The following PCDH11X variants were observed in gnomAD, a reference collection of about 807,000 sequenced individuals.
PCDH11X encodes protocadherin-11 X-linked.
PCDH11X carries 18 observed loss-of-function variants against 53.3 expected under a neutral mutation model. The ratio of observed to expected loss-of-function variants is 0.34; its 90% CI spans 0.23 to 0.50. PCDH11X has a LOEUF of 0.50. Ranked by LOEUF, PCDH11X falls within the 20% of genes least tolerant of loss-of-function variation. The pLI is 0.98. For synonymous variants in PCDH11X, 279 were observed against 393.3 expected (o/e 0.71, Z 3.44); for missense variants, 570 against 1,032.4 (o/e 0.55, Z 6.14).
intron 6 of PCDH11X, among the ~76,000 whole-genome samples, chrX:91,989,261 GAGAA>G (rs1166312270): frequency 9.0e-6 from 1 of 110,834 alleles, no homozygotes; most frequent in Non-Finnish European, 1.9e-5. Flanking sequence ...AAAAAGAAAA[GAGAA>G]AGAAGAAGAA....
intron 6 of PCDH11X, among the ~76,000 whole-genome samples, chrX:92,097,343 T>C (rs1318452416): frequency 1.9e-5 from 2 of 107,206 alleles, no homozygotes; most frequent in African/African-American, 3.4e-5. Context: ...GCCCAGGATG[T>C]CATGGCTGCC....
At chrX:92,091,004 G>A (rs1361103656) in intron 6 of PCDH11X, among the ~76,000 whole-genome samples, 1 of 112,027 alleles carries the variant, frequency 8.9e-6, no homozygotes, top group Non-Finnish European at 1.9e-5. Flanking sequence ...TATACCAGTT[G>A]GTTAACCTTG....
rs779501333 is a variant in PCDH11X at position 92,237,025 on chromosome X, A to G, written c.3115-26089A>G. On this transcript the variant is annotated intron_variant, in intron 7 of 10. Coordinates refer to ENST00000682573, the MANE Select transcript of PCDH11X (RefSeq NM_032968.5). ...TAGAAACTGTGATTTTCAATTCTTTAAATTGTTGAAGAAAAAAAGACACCT... is the reference window on the plus strand; with the variant it reads ...TAGAAACTGTGATTTTCAATTCTTTGAATTGTTGAAGAAAAAAAGACACCT... 2.1e-3 allele frequency among the ~76,000 whole-genome samples: 229 copies of G among 108,740 alleles called. 1 individual carries two copies. Among genetic ancestry groups the G allele is most frequent in the African/African-American group, 7.4e-3 (219 of 29,503 alleles). 94.4% of individuals were successfully genotyped at this position (108,740 alleles called of 115,157 possible).
Position 92,201,372 on chromosome X carries a change from A to T in PCDH11X, c.3034-3A>T, listed in dbSNP as rs1478414003. 1.7e-6 allele frequency: 2 copies of T among 1,192,354 alleles called. No individual in the cohort carries two copies. The highest frequency in any genetic ancestry group is 2.3e-6 in the Non-Finnish European group (2 of 883,823). On this transcript the variant is annotated splice_region_variant and splice_polypyrimidine_tract_variant and intron_variant, in intron 6 of 10. Transcript: ENST00000682573. Reference sequence around the variant, plus strand: ...AATACTTCTATTTTCTTCCCTTCTAAAGCCAATGAAGGAGGTTGTGCGATC... The same window carrying T: ...AATACTTCTATTTTCTTCCCTTCTATAGCCAATGAAGGAGGTTGTGCGATC...
At chrX:92,131,268 C>T (rs1252832426) in intron 6 of PCDH11X, among the ~76,000 whole-genome samples, 1 of 111,716 alleles carries the variant, frequency 9.0e-6, no homozygotes, top group East Asian at 2.8e-4. Flanking sequence ...CCTTCCAAGT[C>T]CTAAAGTGAG....
intron 8 of PCDH11X, among the ~76,000 whole-genome samples, chrX:92,325,237 G>A (rs1220768252): frequency 9.0e-6 from 1 of 110,515 alleles, no homozygotes; most frequent in Admixed American, 9.7e-5. Flanking sequence ...AACATTCTAT[G>A]CCCAAGAATT....
At chrX:92,555,496 G>A (rs990753782) in intron 10 of PCDH11X, among the ~76,000 whole-genome samples, 13 of 111,863 alleles carry the variant, frequency 1.2e-4, no homozygotes, top group Non-Finnish European at 2.4e-4. Flanking sequence ...TATAACCAAA[G>A]GAAATACGAA....
intron 7 of PCDH11X, among the ~76,000 whole-genome samples, chrX:92,244,150 T>C (rs989901117): frequency 2.7e-5 from 3 of 110,262 alleles, no homozygotes; most frequent in African/African-American, 9.9e-5. Context: ...TGTTTCACTA[T>C]TGATTTAACA....
intron 6 of PCDH11X, among the ~76,000 whole-genome samples, chrX:91,936,649 A>T (rs1784862643): frequency 9.5e-6 from 1 of 105,308 alleles, no homozygotes; most frequent in African/African-American, 3.4e-5. Flanking sequence ...GTAATATTTG[A>T]AGGTGTTTGT....
chrX:92,441,054 G>A (rs1172981835), intron 9 of PCDH11X, among the ~76,000 whole-genome samples: 3 of 110,837 alleles, frequency 2.7e-5, no homozygotes, highest in Non-Finnish European at 5.7e-5. Flanking sequence ...GAGACGGATG[G>A]CACTTTTCCC....
At chrX:92,568,495 C>G (rs1451131424) in intron 10 of PCDH11X, among the ~76,000 whole-genome samples, 2 of 107,564 alleles carry the variant, frequency 1.9e-5, no homozygotes, top group Non-Finnish European at 3.8e-5. Context: ...TAATTAGAAA[C>G]TTAACAATAA....
chrX:91,857,739 G>A (rs1368797089), intron 5 of PCDH11X, among the ~76,000 whole-genome samples: 3 of 112,217 alleles, frequency 2.7e-5, no homozygotes, highest in Non-Finnish European at 5.6e-5. Context: ...GCTGATGCAA[G>A]AGGTAGGTTC....
chrX:92,041,705 C>T (rs2063211894), intron 6 of PCDH11X, among the ~76,000 whole-genome samples: 1 of 112,333 alleles, frequency 8.9e-6, no homozygotes. Flanking sequence ...GGCACAGTGG[C>T]TTATGCCTGT....
intron 8 of PCDH11X, among the ~76,000 whole-genome samples, chrX:92,343,717 T>A (rs2148517944): frequency 8.9e-6 from 1 of 111,751 alleles, no homozygotes; most frequent in African/African-American, 3.2e-5. Flanking sequence ...CGTTTAAAAA[T>A]TATTTCTAAT....
chrX:92,539,896 C>T (rs1421974680), intron 10 of PCDH11X, among the ~76,000 whole-genome samples: 1 of 111,120 alleles, frequency 9.0e-6, no homozygotes, highest in Non-Finnish European at 1.9e-5. Context: ...TCTTCCCTTA[C>T]CTTCTCCCAA....
chrX:92,257,455 A>G (rs2067619147), intron 7 of PCDH11X, among the ~76,000 whole-genome samples: 1 of 111,853 alleles, frequency 8.9e-6, no homozygotes, highest in Non-Finnish European at 1.9e-5. Flanking sequence ...TCATTCCAGC[A>G]TTAACTCAAA....
intron 10 of PCDH11X, among the ~76,000 whole-genome samples, chrX:92,497,464 G>A (rs1350400919): frequency 1.8e-5 from 2 of 109,404 alleles, no homozygotes; most frequent in Non-Finnish European, 1.9e-5. Flanking sequence ...GCTTCAGGAG[G>A]GTAGATTATT....
intron 5 of PCDH11X, among the ~76,000 whole-genome samples, chrX:91,863,074 C>A (rs1234419452): frequency 9.1e-6 from 1 of 109,499 alleles, no homozygotes; most frequent in Non-Finnish European, 1.9e-5. Flanking sequence ...AATGTGTATT[C>A]TGCAGCTGTT....
intron 7 of PCDH11X, among the ~76,000 whole-genome samples, chrX:92,216,460 A>AGATGAAATG (rs2066715915): frequency 9.5e-6 from 1 of 104,999 alleles, no homozygotes; most frequent in Admixed American, 1.0e-4. Context: ...CAGCGATGGA[A>AGATGAAATG]GATGAAATGA....
Sources: gnomAD v4.1 joint callset for allele counts (sites outside exome capture counted in the v4.1 genomes callset) on GRCh38, gnomAD v4.1.1 for gene constraint, MANE v1.5 for transcripts, NCBI Gene and HGNC (gene_info 2026-07-23, HGNC 2026-07-21) for gene names.